Variants in HS3ST4 observed in about 807,000 individuals in gnomAD.
The protein encoded by HS3ST4 is heparan sulfate-glucosamine 3-sulfotransferase 4, also known as heparan sulfate glucosamine 3-O-sulfotransferase 4.
HS3ST4 carries 17 observed loss-of-function variants against 29.2 expected under a neutral mutation model. The ratio of observed to expected loss-of-function variants is 0.58; its 90% CI spans 0.40 to 0.87. The LOEUF (loss-of-function observed/expected upper bound fraction) is 0.87. HS3ST4 is among the 40% of genes least tolerant of loss of function. The pLI is 0.00. For missense variants in HS3ST4, 627 were observed against 634.5 expected (o/e 0.99, Z 0.13); for synonymous variants, 314 against 285.7 (o/e 1.10, Z -1.00).
At chr16:25,722,723 G>A (rs186353715) in intron 1 of HS3ST4, among the ~76,000 whole-genome samples, 30 of 152,290 alleles carry the variant, frequency 2.0e-4, no homozygotes, top group African/African-American at 7.2e-4. Context: ...TGCATGACCT[G>A]CTGGCTGTGG....
intron 1 of HS3ST4, among the ~76,000 whole-genome samples, chr16:25,786,976 C>T (rs961201204): frequency 6.6e-6 from 1 of 152,170 alleles, no homozygotes; most frequent in Non-Finnish European, 1.5e-5. Flanking sequence ...GAAGTAGCTG[C>T]CAAATTATTC....
chr16:25,762,321 G>A (rs1022231463), intron 1 of HS3ST4, among the ~76,000 whole-genome samples: 9 of 152,200 alleles, frequency 5.9e-5, no homozygotes, highest in African/African-American at 2.2e-4. Context: ...TCAGATTCCA[G>A]AGCCCATACT....
chr16:25,882,539 A>G (rs1474037894), intron 1 of HS3ST4, among the ~76,000 whole-genome samples: 2 of 152,118 alleles, frequency 1.3e-5, no homozygotes, highest in African/African-American at 2.4e-5. Context: ...TTGCAACTGT[A>G]TAATGAAGGC....
At chr16:26,023,259 A>G (rs917594717) in intron 1 of HS3ST4, among the ~76,000 whole-genome samples, 1 of 152,050 alleles carries the variant, frequency 6.6e-6, no homozygotes. Flanking sequence ...ATCTGTAGGT[A>G]TAAGTATGGT....
chr16:26,051,899 TCC>T (rs1898351738), intron 1 of HS3ST4, among the ~76,000 whole-genome samples: 1 of 52,004 alleles, frequency 1.9e-5, no homozygotes, highest in Non-Finnish European at 3.8e-5. Flanking sequence ...CCTCCCTCCC[TCC>T]CTCCCTCCCT....
At chr16:25,903,379 A>T (rs927449746) in intron 1 of HS3ST4, among the ~76,000 whole-genome samples, 1 of 148,296 alleles carries the variant, frequency 6.7e-6, no homozygotes. Flanking sequence ...ATATATATAT[A>T]TATAAAATCA....
intron 1 of HS3ST4, among the ~76,000 whole-genome samples, chr16:25,984,771 A>G (rs753112925): frequency 2.6e-5 from 4 of 152,180 alleles, no homozygotes; most frequent in Non-Finnish European, 4.4e-5. Context: ...ATAGTATTCC[A>G]TTGTGTATAT....
chr16:25,869,247 A>G (rs1264889504), intron 1 of HS3ST4, among the ~76,000 whole-genome samples: 1 of 152,040 alleles, frequency 6.6e-6, no homozygotes, highest in African/African-American at 2.4e-5. Context: ...GTGGGTTCAC[A>G]GCTTCCCCTA....
chr16:25,786,702 C>T (rs1436327104), intron 1 of HS3ST4, among the ~76,000 whole-genome samples: 1 of 152,156 alleles, frequency 6.6e-6, no homozygotes, highest in African/African-American at 2.4e-5. Context: ...GCATGTTGTA[C>T]AAGAACTATC....
intron 1 of HS3ST4, among the ~76,000 whole-genome samples, chr16:25,939,852 C>A (rs1448872738): frequency 6.6e-6 from 1 of 152,102 alleles, no homozygotes; most frequent in Non-Finnish European, 1.5e-5. Context: ...GGAGCTATGG[C>A]CCCAAATGCA....
At chr16:26,018,130 T>C (rs1341390258) in intron 1 of HS3ST4, among the ~76,000 whole-genome samples, 2 of 152,212 alleles carry the variant, frequency 1.3e-5, no homozygotes, top group Admixed American at 6.5e-5. Context: ...AGTTTGGATG[T>C]CACTTGAAAG....
chr16:25,941,196 G>T (rs1281216144), intron 1 of HS3ST4, among the ~76,000 whole-genome samples: 1 of 151,866 alleles, frequency 6.6e-6, no homozygotes, highest in Admixed American at 6.6e-5. Context: ...ACGGAGTTTC[G>T]CCCTTGTTTC....
At chr16:25,805,872 C>A (rs577946227) in intron 1 of HS3ST4, among the ~76,000 whole-genome samples, 4 of 152,058 alleles carry the variant, frequency 2.6e-5, no homozygotes, top group Admixed American at 1.3e-4. Context: ...CACTCCCCGA[C>A]GGGCCCCATT....
chr16:26,031,209 T>TAGCAAGAGTGAGCAGAGG (rs1969527584), intron 1 of HS3ST4, among the ~76,000 whole-genome samples: 1 of 151,768 alleles, frequency 6.6e-6, no homozygotes, highest in Non-Finnish European at 1.5e-5. Flanking sequence ...TGATTTTAGA[T>TAGCAAGAGTGAGCAGAGG]AGCAAGAGTG....
At chr16:26,097,195 G>A (rs997420116) in intron 1 of HS3ST4, among the ~76,000 whole-genome samples, 17 of 152,104 alleles carry the variant, frequency 1.1e-4, no homozygotes, top group Non-Finnish European at 2.5e-4. Flanking sequence ...TCCCCATCAA[G>A]CTACCAATGA....
chr16:25,772,292 C>T (rs1966843512), intron 1 of HS3ST4, among the ~76,000 whole-genome samples: 2 of 152,218 alleles, frequency 1.3e-5, no homozygotes, highest in African/African-American at 4.8e-5. Context: ...TGTTGTCATG[C>T]ATAGTGTTTC....
intron 1 of HS3ST4, among the ~76,000 whole-genome samples, chr16:26,029,369 A>C (rs1342064796): frequency 6.6e-6 from 1 of 151,802 alleles, no homozygotes. Context: ...AAAATTCTTA[A>C]TAATTTTTGA....
chr16:25,706,976 G>C (rs1275652170), intron 1 of HS3ST4, among the ~76,000 whole-genome samples: 2 of 152,216 alleles, frequency 1.3e-5, no homozygotes, highest in Non-Finnish European at 2.9e-5. Flanking sequence ...TCATCATTCT[G>C]AGTAGTGTGG....
intron 1 of HS3ST4, among the ~76,000 whole-genome samples, chr16:25,930,317 T>C (rs1220441956): frequency 6.6e-6 from 1 of 152,180 alleles, no homozygotes; most frequent in Non-Finnish European, 1.5e-5. Context: ...CTCTCAGACC[T>C]CTCTAGGCCA....
Sources: gnomAD v4.1 joint callset for allele counts (sites outside exome capture counted in the v4.1 genomes callset) on GRCh38, gnomAD v4.1.1 for gene constraint, MANE v1.5 for transcripts, NCBI Gene and HGNC (gene_info 2026-07-23, HGNC 2026-07-21) for gene names.